Variants in DCHS1 observed in about 807,000 individuals in gnomAD.
DCHS1 encodes the protein protocadherin-16.
Under a neutral mutation model 213.9 loss-of-function variants are expected in DCHS1, and 78 were observed. That is an observed-to-expected ratio of 0.36 (90% CI 0.30 to 0.44). The LOEUF (loss-of-function observed/expected upper bound fraction) is 0.44, where lower values mean the gene tolerates loss of function less well. Ranked by LOEUF, DCHS1 falls within the 20% of genes least tolerant of loss-of-function variation. The pLI, the probability that DCHS1 is intolerant of heterozygous loss-of-function variation, is 1.00. For synonymous variants in DCHS1, 1,828 were observed against 1,873.7 expected (o/e 0.98, Z 0.63); for missense variants, 3,946 against 4,395.9 (o/e 0.90, Z 2.89).
Position 6,641,796 on chromosome 11 carries a change from G to A in DCHS1, c.-120-63C>T. The stretch of plus-strand genomic sequence containing the variant: ...AGGGATCAGCAGTCCAGATAACCTG[G>A]ACGAGGCCACATCAACATTCAGATA... On this transcript the variant is annotated intron_variant, in intron 1 of 20. Coordinates refer to ENST00000299441, the MANE Select transcript of DCHS1 (RefSeq NM_003737.4). The surrounding 1 kb of genome is among the most constrained non-coding windows in gnomAD (Gnocchi z 7.1). 1 of 1,343,594 alleles carries A rather than the reference G, an allele frequency of 7.4e-7. No homozygotes were observed. Among genetic ancestry groups the A allele is most frequent in the Non-Finnish European group, 9.8e-7 (1 of 1,019,446 alleles). The allele number at this position is 1,343,594 out of a possible 1,614,324, so 83.2% of individuals were successfully genotyped here.
chr11:6,627,139 A>T lies in DCHS1; in HGVS notation c.5900T>A (p.Leu1967Gln), dbSNP rs1290965818. Residue 1967 changes from leucine to glutamine, a missense_variant, in exon 14 of 21, where the codon CTA becomes CAA. Coordinates refer to ENST00000299441, the MANE Select transcript of DCHS1 (RefSeq NM_003737.4). This position sits in a 1 kb window ranked among gnomAD's most constrained non-coding sequence, Gnocchi z 5.4. ...APTFPTSPLR[L>Q]RLPRPGPSFS... is the part of the protein sequence containing the mutation. Reference sequence around the variant, plus strand: ...GCTGGGGCCTGGGCGGGGCAGACGTAGGCGCAGAGGACTGGTGGGGAAGGT... The same window carrying T: ...GCTGGGGCCTGGGCGGGGCAGACGTTGGCGCAGAGGACTGGTGGGGAAGGT... 3.7e-6 allele frequency: 6 copies of T among 1,612,408 alleles called. No homozygotes were observed. The highest frequency in any genetic ancestry group is 5.1e-6 in the Non-Finnish European group (6 of 1,179,078).
Position 6,626,451 on chromosome 11 carries a change from T to G in DCHS1, c.6365-71A>C. 1 of 1,604,352 alleles carries G rather than the reference T, an allele frequency of 6.2e-7. No individual in the cohort carries two copies. Among genetic ancestry groups the G allele is most frequent in the Non-Finnish European group, 8.5e-7 (1 of 1,173,394 alleles). On this transcript the variant is annotated intron_variant, in intron 15 of 20. Transcript: ENST00000299441. The surrounding 1 kb of genome is among the most constrained non-coding windows in gnomAD (Gnocchi z 5.2). ...TGGAGCCTCCTTCTCTAAGACCCCT[T>G]ACTCAAGGACAGCCCTTCACCCATC...
intron 1 of DCHS1, among the ~76,000 whole-genome samples, chr11:6,648,337 A>G (rs1382157830): frequency 1.3e-5 from 2 of 152,244 alleles, no homozygotes; most frequent in African/African-American, 4.8e-5. Flanking sequence ...GCAGTATCAC[A>G]GAAGTTAAGG....
At position 6,621,900 on chromosome 11, in the gene DCHS1, G is replaced by A; in HGVS notation, c.9776C>T (p.Ser3259Phe). 1 of 1,613,136 alleles carries A rather than the reference G, an allele frequency of 6.2e-7. No individual in the cohort carries two copies. The highest frequency in any genetic ancestry group is 8.5e-7 in the Non-Finnish European group (1 of 1,179,494). The stretch of plus-strand genomic sequence containing the variant: ...AACGGGTGAGCGAGCAGCCAGAGGA[G>A]ACAGAGAGGGTGAGAAGCTGGGGGA... ...AMSPSFSPSLSPLAARSPVVS... is the reference protein window; with the variant it reads ...AMSPSFSPSLFPLAARSPVVS... The change falls in exon 21 of 21, where the codon TCT (serine) becomes TTT (phenylalanine). Residue 3259 changes from serine to phenylalanine, a missense_variant. Ser to Phe is a radical substitution (Grantham distance 155, BLOSUM62 -2). Coordinates refer to ENST00000299441, the MANE Select transcript of DCHS1 (RefSeq NM_003737.4).
In DCHS1 at chr11:6,632,877, G is replaced by A. The variant is rs139750490; in HGVS notation, c.2635C>T (p.Arg879Trp). Residue 879 changes from arginine to tryptophan, a missense_variant, in exon 6 of 21, where the codon CGG (arginine) becomes TGG (tryptophan). Around this residue, in one of 3 missense-constraint regions of DCHS1, gnomAD observed 3,384 missense variants for 3,780.1 expected, o/e 0.90. Transcript: ENST00000299441. This position sits in a 1 kb window ranked among gnomAD's most constrained non-coding sequence, Gnocchi z 5.9. ...ACATCATCCAGCAGCACACGCACCC[G>A]AGCTACAGCGAAAGCTGGGGGCACT... is the stretch of plus-strand genomic sequence containing the variant. Reference protein sequence around the residue: ...SGVPPAFAVARVRVLLDDVND... With the variant: ...SGVPPAFAVAWVRVLLDDVND... 48 of 1,613,888 alleles carry A rather than the reference G, an allele frequency of 3.0e-5. No homozygotes were observed. The highest frequency in any genetic ancestry group is 5.0e-5 in the Admixed American group (3 of 60,006).
At chr11:6,634,778 G>GAA (rs35447162) in intron 2 of DCHS1, among the ~76,000 whole-genome samples, 77 of 149,498 alleles carry the variant, frequency 5.2e-4, no homozygotes, top group East Asian at 4.9e-3. Context: ...CTAAAAAAAT[G>GAA]AAAAAAAAAA....
rs1855836118 is a variant in DCHS1, at chr11:6,627,778, G to C, written c.5372-111C>G. The stretch of plus-strand genomic sequence containing the variant: ...GCACAAAAGCAAGTGAACCTTATGA[G>C]AGAAAGGAAGAAAAACAGAAACAGA... On this transcript the variant is annotated intron_variant, in intron 13 of 20. Coordinates refer to ENST00000299441, the MANE Select transcript of DCHS1 (RefSeq NM_003737.4). The surrounding 1 kb of genome is among the most constrained non-coding windows in gnomAD (Gnocchi z 5.4). 2 of 1,170,520 alleles carry C rather than the reference G, an allele frequency of 1.7e-6. No individual in the cohort carries two copies. The highest frequency in any genetic ancestry group is 1.2e-6 in the Non-Finnish European group (1 of 853,090). The allele number at this position is 1,170,520 out of a possible 1,614,324, so 72.5% of individuals were successfully genotyped here.
rs200322732 is a variant in DCHS1, at chr11:6,625,355, C to G, written c.6989G>C (p.Arg2330Pro). 6.2e-7 allele frequency: 1 copy of G among 1,613,546 alleles called. No homozygotes were observed. The highest frequency in any genetic ancestry group is 8.5e-7 in the Non-Finnish European group (1 of 1,179,808). ...GTCCAGGGGCCCCGTGAGGGAGACA[C>G]GGCCTCCATAGCGGCCAACACTGAA... is the stretch of plus-strand genomic sequence containing the variant. ...DPFSVGRYGG[R>P]VSLTGPLDFE... Residue 2330 changes from arginine to proline, a missense_variant, in exon 19 of 21, where the codon CGT becomes CCT. By Grantham distance (103) the Arg-to-Pro change is moderately radical (BLOSUM62 -2). Around this residue, in one of 3 missense-constraint regions of DCHS1, gnomAD observed 3,384 missense variants for 3,780.1 expected, o/e 0.90. Coordinates refer to ENST00000299441, the MANE Select transcript of DCHS1 (RefSeq NM_003737.4). This position sits in a 1 kb window ranked among gnomAD's most constrained non-coding sequence, Gnocchi z 5.3.
rs1308079910 is a variant in DCHS1, at chr11:6,627,600, T to C, written c.5439A>G (p.Leu1813=). The C allele has an allele frequency of 6.2e-7, 1 of 1,613,142 alleles. No homozygotes were observed. Among genetic ancestry groups the C allele is most frequent in the African/African-American group, 1.3e-5 (1 of 75,050 alleles). The change falls in exon 14 of 21, where the codon CTA becomes CTG. Residue 1813 remains leucine (L), a synonymous_variant. Coordinates refer to ENST00000299441, the MANE Select transcript of DCHS1 (RefSeq NM_003737.4). The surrounding 1 kb of genome is among the most constrained non-coding windows in gnomAD (Gnocchi z 5.4). ...GGAAAGCTGGCTCCACTTCTCTGTC[T>C]AGTGGCCGCATGGTGCCAAACTCTC... is the stretch of plus-strand genomic sequence containing the variant. The part of the protein sequence containing the change: ...ASGEFGTMRP[L]DREVEPAFQL...
intron 6 of DCHS1, 106 bp from the exon 7 acceptor site, chr11:6,631,915 G>C (rs1855914395): frequency 2.8e-6 from 4 of 1,445,620 alleles, no homozygotes; most frequent in Non-Finnish European, 3.7e-6. Context: ...GAATGCCAGG[G>C]CTAAATCCTC....
In DCHS1 at chr11:6,640,547, T is replaced by C. The variant is rs1326130088; in HGVS notation, c.1067A>G (p.Asn356Ser). 3.1e-6 allele frequency: 5 copies of C among 1,610,194 alleles called. No homozygotes were observed. Among genetic ancestry groups the C allele is most frequent in the Non-Finnish European group, 4.2e-6 (5 of 1,179,870 alleles). The change falls in exon 2 of 21, where the codon AAT (asparagine) becomes AGT (serine). Residue 356 changes from asparagine to serine, a missense_variant. By Grantham distance (46) the Asn-to-Ser change is conservative (BLOSUM62 1). This residue lies in a region of DCHS1 where 3,384 missense variants were observed against 3,780.1 expected (regional missense o/e 0.90). Transcript: ENST00000299441. This position sits in a 1 kb window ranked among gnomAD's most constrained non-coding sequence, Gnocchi z 6.5. ...GACAGTCATGGAGGGCTGATTGTCA[T>C]TGGCATCTCGCACATGCACAGTCAC... ...AFVTVHVRDA[N>S]DNQPSMTVIF...
At chr11:6,642,880 T>G (rs546928470) in intron 1 of DCHS1, among the ~76,000 whole-genome samples, 1 of 152,224 alleles carries the variant, frequency 6.6e-6, no homozygotes, top group East Asian at 1.9e-4. Flanking sequence ...ATCCAGGAGA[T>G]GACACTGCTT....
intron 1 of DCHS1, among the ~76,000 whole-genome samples, chr11:6,654,998 C>G (rs903664969): frequency 1.3e-3 from 202 of 152,266 alleles, no homozygotes; most frequent in African/African-American, 4.4e-3. Context: ...GTGACCCCCC[C>G]CTCCATCCAC....
At position 6,627,347 on chromosome 11, in the gene DCHS1, T is replaced by C; in HGVS notation, c.5692A>G (p.Thr1898Ala). Residue 1898 changes from threonine to alanine, a missense_variant, in exon 14 of 21, where the codon ACA becomes GCA. Around this residue, in one of 3 missense-constraint regions of DCHS1, gnomAD observed 3,384 missense variants for 3,780.1 expected, o/e 0.90. Coordinates refer to ENST00000299441, the MANE Select transcript of DCHS1 (RefSeq NM_003737.4). This position sits in a 1 kb window ranked among gnomAD's most constrained non-coding sequence, Gnocchi z 5.4. ...GHVTYYLGAG[T>A]AGAFLLEPSS... ...GGCTCCAGCAGGAAGGCTCCTGCTGTACCGGCGCCCAGGTAGTAGGTCACA... is the reference window on the plus strand; with the variant it reads ...GGCTCCAGCAGGAAGGCTCCTGCTGCACCGGCGCCCAGGTAGTAGGTCACA... 6.2e-7 allele frequency: 1 copy of C among 1,608,678 alleles called. No individual in the cohort carries two copies. Among genetic ancestry groups the C allele is most frequent in the African/African-American group, 1.3e-5 (1 of 74,940 alleles).
In DCHS1 at chr11:6,622,499, AGAG is replaced by A; in HGVS notation, c.9174_9176del (p.Ser3059del). 1 of 1,575,572 alleles carries A rather than the reference AGAG, an allele frequency of 6.3e-7. No homozygotes were observed. Among genetic ancestry groups the A allele is most frequent in the Non-Finnish European group, 8.6e-7 (1 of 1,160,862 alleles). On this transcript the variant is annotated inframe_deletion, in exon 21 of 21. Transcript: ENST00000299441. This position sits in a 1 kb window ranked among gnomAD's most constrained non-coding sequence, Gnocchi z 5.4. Reference sequence around the variant, plus strand: ...CTGAGTCAGGGCCACGGGCAGCCAGAGAGGAGGCCACACTGGCCACACGGGGGA... The same window carrying A: ...CTGAGTCAGGGCCACGGGCAGCCAGAGAGGCCACACTGGCCACACGGGGGA...
chr11:6,628,529 C>T lies in DCHS1; in HGVS notation c.5371+92G>A. 6.9e-7 allele frequency: 1 copy of T among 1,439,960 alleles called. No homozygotes were observed. Among genetic ancestry groups the T allele is most frequent in the Non-Finnish European group, 9.7e-7 (1 of 1,028,728 alleles). 89.2% of individuals were successfully genotyped at this position (1,439,960 alleles called of 1,614,324 possible). A position where few individuals can be genotyped will look rare whatever the true frequency, so the allele number is the denominator to read the frequency against. ...ACGACATCAAGAGGGAAAAGGAGAC[C>T]CAGACACATGCACTGAGGCTGACAG... On this transcript the variant is annotated intron_variant, in intron 13 of 20. Transcript: ENST00000299441. This position sits in a 1 kb window ranked among gnomAD's most constrained non-coding sequence, Gnocchi z 4.3.
intron 20 of DCHS1, 97 bp downstream of exon 20, chr11:6,624,633 C>T (rs768108958): frequency 6.4e-7 from 1 of 1,550,864 alleles, no homozygotes; most frequent in Non-Finnish European, 8.8e-7. Context: ...GCCAGAGATC[C>T]AGGAGTTAAA....
intron 2 of DCHS1, among the ~76,000 whole-genome samples, chr11:6,636,221 A>T (rs1437481697): frequency 2.0e-5 from 3 of 152,118 alleles, no homozygotes; most frequent in Non-Finnish European, 4.4e-5. Flanking sequence ...TTATTTATTT[A>T]ATTTATTTTT....
At chr11:6,652,895 C>T (rs560917982) in intron 1 of DCHS1, among the ~76,000 whole-genome samples, 18 of 152,284 alleles carry the variant, frequency 1.2e-4, no homozygotes, top group Non-Finnish European at 8.8e-5. Flanking sequence ...CCACTTTCTC[C>T]TTCTCTCCGG....
Sources: allele counts gnomAD v4.1 joint callset (sites outside exome capture counted in the v4.1 genomes callset), GRCh38; gene constraint gnomAD v4.1.1; regional missense constraint gnomAD v4.1.1; non-coding constraint Gnocchi (gnomAD v3.1); transcripts MANE v1.5; gene names NCBI Gene and HGNC (gene_info 2026-07-23, HGNC 2026-07-21).